Variants in STK32B observed in about 807,000 individuals in gnomAD.
The protein encoded by STK32B is serine/threonine kinase 32B.
STK32B carries 43 observed loss-of-function variants against 52.6 expected under a neutral mutation model. That is an observed-to-expected ratio of 0.82 (90% CI 0.64 to 1.05). The LOEUF (loss-of-function observed/expected upper bound fraction) is 1.05, where lower values mean the gene tolerates loss of function less well. Among genes scored for constraint, STK32B ranks in the 50% least tolerant of loss-of-function variants. The pLI is 0.00. For synonymous variants in STK32B, 238 were observed against 204.3 expected (o/e 1.17, Z -1.41); for missense variants, 621 against 534.6 (o/e 1.16, Z -1.59).
chr4:5,204,338 GT>G (rs944263933), intron 3 of STK32B: 2 of 153,108 alleles, frequency 1.3e-5, no homozygotes, highest in Non-Finnish European at 2.9e-5. Flanking sequence ...AAGGGAAGTG[GT>G]TTGTCTGGGG....
rs1560439185 is a variant in STK32B at position 5,466,782 on chromosome 4, A to C, written c.989A>C (p.Lys330Thr). Reference protein sequence around the residue: ...LESKPLHKKKKRLAKNRSRDG... With the variant: ...LESKPLHKKKTRLAKNRSRDG... ...TCCAAGCCACTTCACAAAAAGAAGA[A>C]GCGATTGGCAAAGAACAGATCCAGG... is the stretch of plus-strand genomic sequence containing the variant. Residue 330 changes from lysine to threonine, a missense_variant, in exon 10 of 12, where the codon AAG becomes ACG. By Grantham distance (78) the Lys-to-Thr change is moderately conservative. Coordinates refer to ENST00000282908, the MANE Select transcript of STK32B (RefSeq NM_018401.3). 3 of 1,614,092 alleles carry C rather than the reference A, an allele frequency of 1.9e-6. No individual in the cohort carries two copies. Among genetic ancestry groups the C allele is most frequent in the Non-Finnish European group, 1.7e-6 (2 of 1,179,982 alleles).
At chr4:5,136,531 C>T (rs771760384) in intron 1 of STK32B, among the ~76,000 whole-genome samples, 1 of 152,162 alleles carries the variant, frequency 6.6e-6, no homozygotes, top group African/African-American at 2.4e-5. Flanking sequence ...AACTGGTTTT[C>T]CCCAGACTGG....
upstream of STK32B, among the ~76,000 whole-genome samples, chr4:5,047,348 GA>G (rs1252994800): frequency 6.1e-5 from 9 of 148,736 alleles, no homozygotes; most frequent in African/African-American, 2.2e-4. Context: ...GGGGGTGGGG[GA>G]TGAGGGGAGG....
At chr4:5,434,378 T>G (rs576554857) in intron 6 of STK32B, among the ~76,000 whole-genome samples, 19 of 151,914 alleles carry the variant, frequency 1.3e-4, no homozygotes, top group Admixed American at 1.3e-4. Context: ...TTTATGAACG[T>G]CAGGAAATTT....
At chr4:5,022,600 C>T in the STK32B span, among the ~76,000 whole-genome samples, 9 of 152,206 alleles carry the variant, frequency 5.9e-5, no homozygotes, top group South Asian at 2.1e-4. Flanking sequence ...CCCTTGTCTC[C>T]GCCAAAAGGT....
intron 4 of STK32B, among the ~76,000 whole-genome samples, chr4:5,358,574 G>GA (rs548869160): frequency 0.019 from 2,791 of 150,212 alleles, 39 homozygotes; most frequent in South Asian, 0.05. Flanking sequence ...CATTAAGATG[G>GA]AAAAAAAAAC....
At chr4:5,079,904 TA>T (rs2108774330) in intron 1 of STK32B, among the ~76,000 whole-genome samples, 1 of 152,186 alleles carries the variant, frequency 6.6e-6, no homozygotes, top group East Asian at 1.9e-4. Flanking sequence ...ATGTGATCTC[TA>T]AAAAAAGCCA....
intron 1 of STK32B, among the ~76,000 whole-genome samples, chr4:5,113,929 C>G (rs1361536286): frequency 6.6e-6 from 1 of 150,532 alleles, no homozygotes; most frequent in Non-Finnish European, 1.5e-5. Flanking sequence ...GAAACCCGCC[C>G]CCCTTTTTAA....
rs1354483356 is a variant in STK32B, at chr4:5,058,667, A to T, written c.52+6752A>T. Among the ~76,000 whole-genome samples, 1 of 152,172 alleles carries T rather than the reference A, an allele frequency of 6.6e-6. No individual in the cohort carries two copies. The highest frequency in any genetic ancestry group is 2.4e-5 in the African/African-American group (1 of 41,424). ...AGCCTCAACCTCCCCGGCTCAAGCAATCCTCCTGTGTCAGCCTACAAAGTA... is the reference window on the plus strand; with the variant it reads ...AGCCTCAACCTCCCCGGCTCAAGCATTCCTCCTGTGTCAGCCTACAAAGTA... On this transcript the variant is annotated intron_variant, in intron 1 of 11. Transcript: ENST00000282908. This position sits in a 1 kb window ranked among gnomAD's most constrained non-coding sequence, Gnocchi z 4.8.
chr4:5,252,370 A>T (rs1725997568), intron 3 of STK32B, among the ~76,000 whole-genome samples: 1 of 152,216 alleles, frequency 6.6e-6, no homozygotes. Flanking sequence ...TTTACAGGAA[A>T]ATAAAGCTAA....
At chr4:5,326,934 C>A (rs1249867554) in intron 3 of STK32B, among the ~76,000 whole-genome samples, 1 of 152,162 alleles carries the variant, frequency 6.6e-6, no homozygotes, top group South Asian at 2.1e-4. Flanking sequence ...TCAGTCCTCT[C>A]AAATCCTACA....
intron 4 of STK32B, among the ~76,000 whole-genome samples, chr4:5,345,801 G>C (rs377537820): frequency 6.6e-6 from 1 of 152,200 alleles, no homozygotes; most frequent in African/African-American, 2.4e-5. Flanking sequence ...CCAAGCTTTC[G>C]TGATGGAAAC....
intron 3 of STK32B, among the ~76,000 whole-genome samples, chr4:5,213,263 A>G (rs1024849969): frequency 5.3e-5 from 8 of 152,022 alleles, no homozygotes; most frequent in Non-Finnish European, 2.9e-5. Context: ...GCTGCCATCA[A>G]TCCTGTCCTG....
rs979073423 is a variant in STK32B at position 5,398,674 on chromosome 4, C to T, written c.472+430C>T. On this transcript the variant is annotated intron_variant, in intron 5 of 11. Transcript: ENST00000282908. This position sits in a 1 kb window ranked among gnomAD's most constrained non-coding sequence, Gnocchi z 4.9. Reference sequence around the variant, plus strand: ...GTGAAATGAGAGTACACACTCATTTCTAGCAAGCAGAGCTTAATACTTGAT... The same window carrying T: ...GTGAAATGAGAGTACACACTCATTTTTAGCAAGCAGAGCTTAATACTTGAT... 2.6e-5 allele frequency among the ~76,000 whole-genome samples: 4 copies of T among 152,190 alleles called. No homozygotes were observed. In the East Asian group the frequency reaches 7.7e-4, roughly 29 times the overall value.
At chr4:5,189,593 G>A (rs1721022302) in intron 3 of STK32B, among the ~76,000 whole-genome samples, 1 of 152,304 alleles carries the variant, frequency 6.6e-6, no homozygotes, top group Non-Finnish European at 1.5e-5. Flanking sequence ...GTTTTGGCAA[G>A]TGTGAATAAA....
intron 3 of STK32B, among the ~76,000 whole-genome samples, chr4:5,199,760 C>T (rs1286969171): frequency 4.0e-5 from 6 of 151,836 alleles, no homozygotes; most frequent in African/African-American, 9.7e-5. Context: ...AATGTTCTCC[C>T]ACCCCCGCCC....
chr4:5,492,198 T>A (rs1719793118), intron 11 of STK32B, among the ~76,000 whole-genome samples: 1 of 152,224 alleles, frequency 6.6e-6, no homozygotes, highest in African/African-American at 2.4e-5. Flanking sequence ...ATGTTGATTC[T>A]TCCTACCCAT....
At position 5,313,278 on chromosome 4, in the gene STK32B, A is replaced by G. The variant is rs549282763; in HGVS notation, c.261-17942A>G. Among the ~76,000 whole-genome samples the G allele has an allele frequency of 2.6e-5, 4 of 152,158 alleles. No homozygotes were observed. In the South Asian group the frequency reaches 8.3e-4, roughly 32 times the overall value. On this transcript the variant is annotated intron_variant, in intron 3 of 11. Transcript: ENST00000282908. ...CTACCATGTTCAACAAGCTAAAGAA[A>G]AAATCCTATTATTATATCAATTGAT... is the stretch of plus-strand genomic sequence containing the variant.
intron 3 of STK32B, among the ~76,000 whole-genome samples, chr4:5,179,842 G>T (rs997608147): frequency 6.6e-6 from 1 of 152,210 alleles, no homozygotes; most frequent in African/African-American, 2.4e-5. Context: ...GCTTTCCCCT[G>T]TGTTAGCTTT....
Sources: gnomAD v4.1 joint callset for allele counts (sites outside exome capture counted in the v4.1 genomes callset) on GRCh38, gnomAD v4.1.1 for gene constraint, Gnocchi (gnomAD v3.1) non-coding constraint, MANE v1.5 for transcripts, NCBI Gene and HGNC (gene_info 2026-07-23, HGNC 2026-07-21) for gene names.